Variants in LDAH observed in about 807,000 individuals in gnomAD.
LDAH encodes lipid droplet associated hydrolase.
In LDAH, 26 loss-of-function variants were observed where a neutral mutation model predicts 29.6. The ratio of observed to expected loss-of-function variants is 0.88; its 90% confidence interval spans 0.64 to 1.22. The LOEUF (loss-of-function observed/expected upper bound fraction) is 1.22. Among genes scored for constraint, LDAH ranks in the 50% most tolerant of loss-of-function variants. The pLI is 0.00. For missense variants in LDAH, 344 were observed against 387.3 expected, an observed-to-expected ratio of 0.89 and a Z score of 0.94; for synonymous variants, 117 against 133.0, an observed-to-expected ratio of 0.88 and a Z score of 0.83.
intron 1 of LDAH, among the ~76,000 whole-genome samples, chr2:20,817,585 C>T (rs2125165910): frequency 6.6e-6 from 1 of 152,180 alleles, no homozygotes; most frequent in East Asian, 1.9e-4. Flanking sequence ...CAATGTAACT[C>T]ACCATATCAA....
Position 20,701,563 on chromosome 2 carries a change from T to C in LDAH, c.786+7A>G, listed in dbSNP as rs1387461829. ...TATCTATCCCCTTGCAGCACTAAAG[T>C]GATTACCTTACATAAATGCTCCTTT... On this transcript the variant is annotated splice_region_variant and intron_variant, in intron 6 of 6. Coordinates refer to ENST00000237822, the MANE Select transcript of LDAH (RefSeq NM_021925.4). The C allele has an allele frequency of 1.2e-6, 2 of 1,612,598 alleles. No homozygotes were observed.
At chr2:20,800,416 C>T (rs1386323918) in intron 2 of LDAH, among the ~76,000 whole-genome samples, 29 of 152,076 alleles carry the variant, frequency 1.9e-4, no homozygotes, top group Admixed American at 1.9e-3. Context: ...ATTGAAAACA[C>T]AATTGAAAAA....
chr2:20,811,885 T>C (rs543681449), intron 1 of LDAH, among the ~76,000 whole-genome samples: 3 of 152,268 alleles, frequency 2.0e-5, no homozygotes, highest in Non-Finnish European at 4.4e-5. Context: ...TATTTCAAAA[T>C]ATCCTGTTTA....
At chr2:20,745,836 G>A (rs537696382) in intron 4 of LDAH, among the ~76,000 whole-genome samples, 66 of 152,242 alleles carry the variant, frequency 4.3e-4, no homozygotes, top group Admixed American at 1.1e-3. Flanking sequence ...GTCCTATGAC[G>A]GGGCAGATAA....
At chr2:20,752,037 G>A (rs935481752) in intron 4 of LDAH, among the ~76,000 whole-genome samples, 4 of 151,974 alleles carry the variant, frequency 2.6e-5, no homozygotes, top group Non-Finnish European at 5.9e-5. Context: ...AACTACAGGT[G>A]TGCGCCACCA....
At chr2:20,798,204 T>C (rs1428581453) in intron 2 of LDAH, among the ~76,000 whole-genome samples, 1 of 152,180 alleles carries the variant, frequency 6.6e-6, no homozygotes, top group Admixed American at 6.5e-5. Flanking sequence ...CTAGAAGATA[T>C]GCTCTACCAA....
At chr2:20,692,496 T>C (rs889266327) in intron 6 of LDAH, among the ~76,000 whole-genome samples, 1 of 152,176 alleles carries the variant, frequency 6.6e-6, no homozygotes, top group Non-Finnish European at 1.5e-5. Flanking sequence ...CACATAAAAA[T>C]CTCTATCTGA....
intron 6 of LDAH, among the ~76,000 whole-genome samples, chr2:20,690,726 A>G (rs1007874715): frequency 1.3e-5 from 2 of 152,172 alleles, no homozygotes; most frequent in African/African-American, 4.8e-5. Flanking sequence ...AGTAGAAAGA[A>G]AGAGAAACAA....
intron 6 of LDAH, 79 bp from the exon 7 acceptor site, chr2:20,687,173 G>T: frequency 8.1e-7 from 1 of 1,230,598 alleles, no homozygotes; most frequent in Non-Finnish European, 1.2e-6. Context: ...AGCCGGCAGT[G>T]CTCTGAGGAC....
chr2:20,702,020 G>A (rs1663981226), intron 5 of LDAH, among the ~76,000 whole-genome samples: 1 of 150,280 alleles, frequency 6.7e-6, no homozygotes. Flanking sequence ...TGTATACCAA[G>A]AAAATGCAAA....
chr2:20,688,128 C>G (rs1662699787), intron 6 of LDAH, among the ~76,000 whole-genome samples: 2 of 152,100 alleles, frequency 1.3e-5, no homozygotes, highest in South Asian at 4.1e-4. Flanking sequence ...ATAAGACAGT[C>G]TTGGGGGGAG....
chr2:20,805,000 G>A (rs1282492606), intron 1 of LDAH, among the ~76,000 whole-genome samples: 1 of 152,092 alleles, frequency 6.6e-6, no homozygotes, highest in Non-Finnish European at 1.5e-5. Flanking sequence ...AACAATATTA[G>A]ATTTAGCACT....
At chr2:20,744,210 C>G (rs1667411429) in intron 4 of LDAH, among the ~76,000 whole-genome samples, 1 of 140,282 alleles carries the variant, frequency 7.1e-6, no homozygotes, top group Non-Finnish European at 1.5e-5. Flanking sequence ...GAAGCTTGCT[C>G]TATTCTCCTC....
chr2:20,792,817 C>T (rs1671063884), intron 2 of LDAH, among the ~76,000 whole-genome samples: 1 of 151,988 alleles, frequency 6.6e-6, no homozygotes, highest in Admixed American at 6.6e-5. Flanking sequence ...GCATTAAAAC[C>T]TAGATGATGG....
At chr2:20,758,009 T>A (rs1342939454) in intron 4 of LDAH, among the ~76,000 whole-genome samples, 1 of 152,162 alleles carries the variant, frequency 6.6e-6, no homozygotes, top group Non-Finnish European at 1.5e-5. Flanking sequence ...CAATTCCTTA[T>A]AATAAACCTC....
intron 1 of LDAH, among the ~76,000 whole-genome samples, chr2:20,821,590 G>T (rs950842684): frequency 6.6e-6 from 1 of 152,104 alleles, no homozygotes; most frequent in African/African-American, 2.4e-5. Flanking sequence ...CACAGGAAGG[G>T]GGAGATCACA....
chr2:20,752,972 AACG>A (rs1477366199), intron 4 of LDAH, among the ~76,000 whole-genome samples: 3 of 39,542 alleles, frequency 7.6e-5, no homozygotes, highest in African/African-American at 1.7e-4. Context: ...GAGAGAAAAC[AACG>A]ACAACAACAA....
chr2:20,736,806 C>T (rs1666823425), intron 5 of LDAH, among the ~76,000 whole-genome samples: 2 of 152,154 alleles, frequency 1.3e-5, no homozygotes, highest in Admixed American at 1.3e-4. Flanking sequence ...GGTCACCTCC[C>T]ATTACTGACC....
chr2:20,731,671 C>A (rs1022518228), intron 5 of LDAH, among the ~76,000 whole-genome samples: 27 of 152,098 alleles, frequency 1.8e-4, no homozygotes, highest in Admixed American at 5.2e-4. Context: ...TTATGCCTAA[C>A]AATTTAATTT....
Sources: allele counts gnomAD v4.1 joint callset (sites outside exome capture counted in the v4.1 genomes callset), GRCh38; gene constraint gnomAD v4.1.1; transcripts MANE v1.5; gene names NCBI Gene and HGNC (gene_info 2026-07-23, HGNC 2026-07-21).